CD109: variants seen among roughly 807,000 people sequenced by gnomAD.
CD109 encodes the protein CD109 antigen.
In CD109, 149 loss-of-function variants were observed where a neutral mutation model predicts 165.8. The ratio of observed to expected loss-of-function variants is 0.90; its 90% CI spans 0.79 to 1.03. The LOEUF (loss-of-function observed/expected upper bound fraction) is 1.03. CD109 is among the 50% of genes least tolerant of loss of function. The pLI, the probability that CD109 is intolerant of heterozygous loss-of-function variation, is 0.00. For synonymous variants in CD109, 585 were observed against 592.1 expected (o/e 0.99, Z 0.18); for missense variants, 1,712 against 1,677.8 (o/e 1.02, Z -0.36).
At chr6:73,730,700 C>T in intron 4 of CD109, 126 bp downstream of exon 4, 3 of 650,912 alleles carry the variant, frequency 4.6e-6, no homozygotes, top group Non-Finnish European at 7.9e-6. Context: ...TCCCTCCCAA[C>T]ATGGAACTCC....
chr6:73,719,219 G>T (rs2150164889), intron 2 of CD109, among the ~76,000 whole-genome samples: 1 of 152,290 alleles, frequency 6.6e-6, no homozygotes, highest in Non-Finnish European at 1.5e-5. Flanking sequence ...TGACTGAGCA[G>T]CTTTAAAGAG....
At chr6:73,780,800 G>T (rs1043758624) in intron 16 of CD109, among the ~76,000 whole-genome samples, 1 of 56,834 alleles carries the variant, frequency 1.8e-5, no homozygotes, top group East Asian at 5.4e-4. Flanking sequence ...TATATTTTAT[G>T]TATATATATA....
upstream of CD109, among the ~76,000 whole-genome samples, chr6:73,692,707 T>G (rs932385473): frequency 3.9e-5 from 6 of 152,246 alleles, no homozygotes; most frequent in African/African-American, 1.4e-4. Context: ...CAGTGGGATG[T>G]AATTCAATTT....
the CD109 span, among the ~76,000 whole-genome samples, chr6:73,687,368 CCTCTTTCTTT>C: frequency 8.2e-4 from 125 of 151,838 alleles, no homozygotes; most frequent in East Asian, 9.5e-3. Flanking sequence ...TTCTTTCCTT[CCTCTTTCTTT>C]CTCTTTCTCC....
At chr6:73,772,644 G>A (rs1774083963) in intron 15 of CD109, among the ~76,000 whole-genome samples, 1 of 151,434 alleles carries the variant, frequency 6.6e-6, no homozygotes, top group Non-Finnish European at 1.5e-5. Flanking sequence ...TTGCATAAAT[G>A]AATCCCATAT....
At position 73,791,136 on chromosome 6, in the gene CD109, C is replaced by CACACACACAT. The variant is rs1478783898; in HGVS notation, c.2702-1489_2702-1488insCACACACATA. 1.3e-3 allele frequency among the ~76,000 whole-genome samples: 74 copies of CACACACACAT among 56,314 alleles called. 2 individuals carry two copies. The highest frequency in any genetic ancestry group is 4.4e-3 in the African/African-American group (46 of 10,428). 36.9% of individuals were successfully genotyped at this position (56,314 alleles called of 152,430 possible). ...TTGGAGGCATATATATACATACATA[C>CACACACACAT]ATATATATATATATATATATATATA... On this transcript the variant is annotated intron_variant, in intron 22 of 32. Coordinates refer to ENST00000287097, the MANE Select transcript of CD109 (RefSeq NM_133493.5).
intron 5 of CD109, among the ~76,000 whole-genome samples, chr6:73,744,143 C>T (rs754773572): frequency 1.3e-5 from 2 of 152,230 alleles, no homozygotes; most frequent in Non-Finnish European, 2.9e-5. Context: ...CACCATCCAT[C>T]TCCAGAACCT....
the CD109 span, among the ~76,000 whole-genome samples, chr6:73,679,485 TAAAAAA>T: frequency 6.8e-6 from 1 of 147,400 alleles, no homozygotes; most frequent in African/African-American, 2.5e-5. Flanking sequence ...CTTGGATAAT[TAAAAAA>T]AAAAGTTTAA....
chr6:73,709,413 A>G (rs1383201121), intron 2 of CD109, among the ~76,000 whole-genome samples: 4 of 152,294 alleles, frequency 2.6e-5, no homozygotes, highest in Admixed American at 1.3e-4. Context: ...GCCTCGTAGT[A>G]TAGTTTGAAG....
rs1776324645 is a variant in CD109 at position 73,828,027 on chromosome 6, G to A, written c.*4394G>A. On this transcript the variant is annotated 3_prime_UTR_variant, in exon 33 of 33. Coordinates refer to ENST00000287097, the MANE Select transcript of CD109 (RefSeq NM_133493.5). ...ATGTGGCTCAGTTCTGGTCCTTCAA[G>A]CCTGTATGGTTTGGATTTTCAGTAG... The A allele has an allele frequency of 6.5e-6, 1 of 154,704 alleles. No individual in the cohort carries two copies. The highest frequency in any genetic ancestry group is 6.5e-5 in the Admixed American group (1 of 15,268). 9.6% of individuals were successfully genotyped at this position (154,704 alleles called of 1,614,324 possible). A position where few individuals can be genotyped will look rare whatever the true frequency, so the allele number is the denominator to read the frequency against.
chr6:73,755,236 TAGA>T, intron 5 of CD109, among the ~76,000 whole-genome samples: 1 of 152,230 alleles, frequency 6.6e-6, no homozygotes, highest in Non-Finnish European at 1.5e-5. Flanking sequence ...CAATTTGAGA[TAGA>T]AGTCATAAAT....
chr6:73,683,034 T>C, the CD109 span, among the ~76,000 whole-genome samples: 1 of 152,228 alleles, frequency 6.6e-6, no homozygotes, highest in Non-Finnish European at 1.5e-5. Context: ...CAAAGTTCTC[T>C]GACATGCCCT....
chr6:73,792,875 C>A, intron 23 of CD109, 73 bp downstream of exon 23: 1 of 1,144,330 alleles, frequency 8.7e-7, no homozygotes, highest in Non-Finnish European at 1.2e-6. Flanking sequence ...CATTCTAGAC[C>A]ATATTTCAAA....
At chr6:73,812,990 C>T (rs1775805805) in intron 29 of CD109, among the ~76,000 whole-genome samples, 1 of 151,980 alleles carries the variant, frequency 6.6e-6, no homozygotes, top group African/African-American at 2.4e-5. Context: ...AGAAAAAGTA[C>T]TTTTTTCAAA....
chr6:73,775,099 G>A (rs1415809424), intron 15 of CD109, among the ~76,000 whole-genome samples: 1 of 152,092 alleles, frequency 6.6e-6, no homozygotes, highest in Admixed American at 6.6e-5. Context: ...TATTGAGCCA[G>A]TGAGAACAGG....
At position 73,811,029 on chromosome 6, in the gene CD109, C is replaced by A; in HGVS notation, c.3584C>A (p.Ala1195Glu). 4 of 1,613,202 alleles carry A rather than the reference C, an allele frequency of 2.5e-6. No individual in the cohort carries two copies. Among genetic ancestry groups the A allele is most frequent in the African/African-American group, 1.3e-5 (1 of 74,974 alleles). ...GCTTTAAAGGCTCTGTCTGAATTTG[C>A]AGCCCTAATGAATACAGAAAGGACA... Reference protein sequence around the residue: ...TVALKALSEFAALMNTERTNI... With the variant: ...TVALKALSEFEALMNTERTNI... The change falls in exon 28 of 33, where the codon GCA becomes GAA. Residue 1195 changes from alanine to glutamate, a missense_variant. Transcript: ENST00000287097.
Position 73,708,296 on chromosome 6 carries a change from G to C in CD109, c.247+10724G>C, listed in dbSNP as rs564969778. Among the ~76,000 whole-genome samples, 9 of 152,126 alleles carry C rather than the reference G, an allele frequency of 5.9e-5. No homozygotes were observed. The East Asian group carries it at 1.5e-3, about 26-fold the overall frequency. ...AGTTTGCTGAGAATGATGGTTTCCA[G>C]CTTCATCCATGTCCCTACAAAGGAC... On this transcript the variant is annotated intron_variant, in intron 2 of 32. Coordinates refer to ENST00000287097, the MANE Select transcript of CD109 (RefSeq NM_133493.5).
intron 2 of CD109, among the ~76,000 whole-genome samples, chr6:73,710,886 T>C (rs1474416468): frequency 6.6e-6 from 1 of 152,254 alleles, no homozygotes; most frequent in African/African-American, 2.4e-5. Context: ...GAAGCAGCTG[T>C]AGACGGTTCA....
intron 2 of CD109, among the ~76,000 whole-genome samples, chr6:73,717,096 G>A (rs1292236331): frequency 6.6e-6 from 1 of 152,172 alleles, no homozygotes; most frequent in Non-Finnish European, 1.5e-5. Context: ...GTAGGTGTAT[G>A]GATTTGTTTC....
Sources: gnomAD v4.1 joint callset for allele counts (sites outside exome capture counted in the v4.1 genomes callset) on GRCh38, gnomAD v4.1.1 for gene constraint, MANE v1.5 for transcripts, NCBI Gene and HGNC (gene_info 2026-07-23, HGNC 2026-07-21) for gene names.